The following HPSE2 variants were observed in gnomAD, a reference collection of about 807,000 sequenced individuals.
HPSE2 encodes inactive heparanase-2.
In HPSE2, 38 loss-of-function variants were observed where a neutral mutation model predicts 60.5. That is an observed-to-expected ratio of 0.63 (90% confidence interval 0.48 to 0.82). The LOEUF is 0.82. Among genes scored for constraint, HPSE2 ranks in the 40% least tolerant of loss-of-function variants. HPSE2 has a pLI of 0.00. For missense variants in HPSE2, 713 were observed against 740.4 expected, an observed-to-expected ratio of 0.96 and a Z score of 0.43; for synonymous variants, 295 against 293.2, an observed-to-expected ratio of 1.01 and a Z score of -0.06.
At chr10:99,226,164 G>GCT (rs1849465840) in intron 2 of HPSE2, among the ~76,000 whole-genome samples, 1 of 151,836 alleles carries the variant, frequency 6.6e-6, no homozygotes, top group African/African-American at 2.4e-5. Flanking sequence ...TTTGCCTCAT[G>GCT]CTCTCTCTCT....
chr10:99,218,496 T>C (rs945455923), intron 2 of HPSE2, among the ~76,000 whole-genome samples: 1 of 152,088 alleles, frequency 6.6e-6, no homozygotes, highest in Non-Finnish European at 1.5e-5. Context: ...CACATTTAGG[T>C]GATGAAAACT....
At chr10:98,921,247 T>C (rs1052391197) in intron 3 of HPSE2, among the ~76,000 whole-genome samples, 4 of 152,218 alleles carry the variant, frequency 2.6e-5, no homozygotes, top group African/African-American at 9.6e-5. Flanking sequence ...GAGCACTCAG[T>C]AATTGGAAAT....
chr10:99,290,042 A>G, the HPSE2 span, among the ~76,000 whole-genome samples: 1 of 152,224 alleles, frequency 6.6e-6, no homozygotes, highest in Non-Finnish European at 1.5e-5. Flanking sequence ...GGTTGGGCCA[A>G]GAACAGCTTC....
intron 3 of HPSE2, chr10:99,014,081 C>T (rs1438136089): frequency 5.6e-6 from 1 of 179,726 alleles, no homozygotes; most frequent in Non-Finnish European, 1.2e-5. Context: ...GGTTGCTGGC[C>T]CACTTCCAGA....
Position 98,489,472 on chromosome 10 carries a change from A to G in HPSE2, c.1466+579T>C, listed in dbSNP as rs116646680. Among the ~76,000 whole-genome samples, 659 of 152,352 alleles carry G rather than the reference A, an allele frequency of 4.3e-3. 6 individuals are homozygous for G. Among genetic ancestry groups the G allele is most frequent in the African/African-American group, 0.014 (590 of 41,574 alleles). On this transcript the variant is annotated intron_variant, in intron 10 of 11. Coordinates refer to ENST00000370552, the MANE Select transcript of HPSE2 (RefSeq NM_021828.5). Reference sequence around the variant, plus strand: ...AGAAAAGGAAGCCCAGATTTCACTTAGCCTCTTAATTTTTAAAATAGCTGA... The same window carrying G: ...AGAAAAGGAAGCCCAGATTTCACTTGGCCTCTTAATTTTTAAAATAGCTGA...
At chr10:99,047,558 A>T (rs1957884486) in intron 3 of HPSE2, 2 of 525,338 alleles carry the variant, frequency 3.8e-6, no homozygotes, top group Non-Finnish European at 6.7e-6. Context: ...AAATATTCAC[A>T]AACTTTGCAT....
Position 98,940,146 on chromosome 10 carries a change from G to C in HPSE2, c.611-196090C>G, listed in dbSNP as rs1424803773. Among the ~76,000 whole-genome samples, 7 of 143,308 alleles carry C rather than the reference G, an allele frequency of 4.9e-5. 2 individuals carry two copies. The highest frequency in any genetic ancestry group is 2.0e-4 in the African/African-American group (7 of 35,114). The allele number at this position is 143,308 out of a possible 152,430, so 94.0% of individuals were successfully genotyped here. ...GAGAAAGCAGGAAAGATCCAAAATT[G>C]ACACCCTAACATCACAATTAAAAGA... is the stretch of plus-strand genomic sequence containing the variant. On this transcript the variant is annotated intron_variant, in intron 3 of 11. Transcript: ENST00000370552.
chr10:98,816,271 G>C (rs1402265364), intron 3 of HPSE2, among the ~76,000 whole-genome samples: 3 of 151,834 alleles, frequency 2.0e-5, no homozygotes, highest in African/African-American at 7.3e-5. Context: ...TTGTTTTTTT[G>C]TTTGTTTTTT....
chr10:98,913,399 T>C (rs1007511335), intron 3 of HPSE2, among the ~76,000 whole-genome samples: 1 of 152,234 alleles, frequency 6.6e-6, no homozygotes, highest in African/African-American at 2.4e-5. Flanking sequence ...TGAGATCGAT[T>C]ACAGGACACA....
intron 5 of HPSE2, among the ~76,000 whole-genome samples, chr10:98,717,677 A>T (rs10786463): frequency 4.6e-5 from 7 of 151,992 alleles, no homozygotes; most frequent in East Asian, 3.9e-4. Flanking sequence ...TAGTTCATGG[A>T]GCTCCAAAAT....
intron 6 of HPSE2, among the ~76,000 whole-genome samples, chr10:98,688,639 T>A (rs1433199447): frequency 2.0e-5 from 3 of 151,372 alleles, no homozygotes; most frequent in Non-Finnish European, 4.4e-5. Context: ...CCAGCCCGGC[T>A]GATATTTGGA....
At chr10:98,672,851 A>G (rs1264077545) in intron 6 of HPSE2, among the ~76,000 whole-genome samples, 1 of 152,150 alleles carries the variant, frequency 6.6e-6, no homozygotes. Context: ...TAATTTTTCC[A>G]GAAAAAAAAA....
At chr10:98,577,538 A>G (rs1944675352) in intron 9 of HPSE2, among the ~76,000 whole-genome samples, 1 of 152,184 alleles carries the variant, frequency 6.6e-6, no homozygotes, top group African/African-American at 2.4e-5. Flanking sequence ...AGATCTCACA[A>G]AAGTCCTCAT....
At chr10:98,805,442 A>T (rs1474430955) in intron 3 of HPSE2, among the ~76,000 whole-genome samples, 1 of 152,210 alleles carries the variant, frequency 6.6e-6, no homozygotes, top group Admixed American at 6.5e-5. Context: ...CCATAATGTG[A>T]TTAGTATGTG....
intron 2 of HPSE2, among the ~76,000 whole-genome samples, chr10:99,184,012 A>G (rs1429665135): frequency 6.6e-6 from 1 of 152,180 alleles, no homozygotes; most frequent in Non-Finnish European, 1.5e-5. Context: ...AACTGACTCC[A>G]AGGAACTTAA....
intron 9 of HPSE2, among the ~76,000 whole-genome samples, chr10:98,583,138 G>A (rs1411806709): frequency 6.6e-6 from 1 of 152,158 alleles, no homozygotes; most frequent in Non-Finnish European, 1.5e-5. Flanking sequence ...AGGGTCTGGA[G>A]GCAGGGAACC....
At chr10:99,229,895 A>G (rs1257137467) in intron 2 of HPSE2, among the ~76,000 whole-genome samples, 1 of 152,238 alleles carries the variant, frequency 6.6e-6, no homozygotes, top group East Asian at 1.9e-4. Context: ...ATGAAAAGGG[A>G]CAACAGAAGC....
chr10:98,821,943 G>T (rs933174469), intron 3 of HPSE2, among the ~76,000 whole-genome samples: 1 of 152,112 alleles, frequency 6.6e-6, no homozygotes, highest in Non-Finnish European at 1.5e-5. Flanking sequence ...GTTGTGAAAG[G>T]TGCTCAGTCT....
chr10:99,188,405 T>C (rs1382485501), intron 2 of HPSE2, among the ~76,000 whole-genome samples: 10 of 152,152 alleles, frequency 6.6e-5, no homozygotes. Context: ...TACTTAAAAA[T>C]TGGCAAATTT....
Sources: gnomAD v4.1 joint callset for allele counts (sites outside exome capture counted in the v4.1 genomes callset) on GRCh38, gnomAD v4.1.1 for gene constraint, MANE v1.5 for transcripts, NCBI Gene and HGNC (gene_info 2026-07-23, HGNC 2026-07-21) for gene names.